The following FERMT3 variants were observed in gnomAD, a reference collection of about 807,000 sequenced individuals.
FERMT3 encodes FERM domain containing kindlin 3, also known as fermitin family homolog 3.
Under a neutral mutation model 80.8 loss-of-function variants are expected in FERMT3, and 33 were observed. The observed-to-expected ratio is 0.41, with a 90% CI of 0.31 to 0.55. The LOEUF is 0.55. FERMT3 is among the 20% of genes least tolerant of loss of function. The pLI, the probability that FERMT3 is intolerant of heterozygous loss-of-function variation, is 0.31. For synonymous variants in FERMT3, 375 were observed against 372.2 expected, an observed-to-expected ratio of 1.01 and a Z score of -0.09; for missense variants, 754 against 908.7, an observed-to-expected ratio of 0.83 and a Z score of 2.19.
chr11:64,221,241 AC>A, intron 13 of FERMT3, 101 bp downstream of exon 13: 2 of 1,203,742 alleles, frequency 1.7e-6, no homozygotes, highest in South Asian at 1.3e-5. Flanking sequence ...CTGGACAGGC[AC>A]CCCAAAGACT....
rs1028398825 is a variant in FERMT3, at chr11:64,223,147, C to T, written c.1770C>T (p.Phe590=). The T allele has an allele frequency of 2.5e-6, 4 of 1,613,818 alleles. No individual in the cohort carries two copies. The East Asian group carries it at 8.9e-5, about 36-fold the overall frequency. The change falls in exon 14 of 15, where the codon TTC becomes TTT. Residue 590 remains phenylalanine (F), a synonymous_variant. Transcript: ENST00000345728. Reference sequence around the variant, plus strand: ...GCGACGTGGTCAAGACCTGGCGTTTCAGCAACATGCGCCAGTGGAATGTCA... The same window carrying T: ...GCGACGTGGTCAAGACCTGGCGTTTTAGCAACATGCGCCAGTGGAATGTCA... ...AVGDVVKTWR[F]SNMRQWNVNW...
At chr11:64,216,640 C>T (rs1395050556) in intron 6 of FERMT3, among the ~76,000 whole-genome samples, 3 of 150,466 alleles carry the variant, frequency 2.0e-5, no homozygotes, top group African/African-American at 7.3e-5. Flanking sequence ...ACTAAAAATA[C>T]AAAAAATTAG....
intron 6 of FERMT3, among the ~76,000 whole-genome samples, chr11:64,212,085 A>G (rs1946455232): frequency 6.6e-6 from 1 of 152,196 alleles, no homozygotes; most frequent in Non-Finnish European, 1.5e-5. Flanking sequence ...TCTGGGGCTC[A>G]GGTGGGAGAG....
Position 64,223,295 on chromosome 11 carries a change from C to A in FERMT3, c.1813-18C>A. The A allele has an allele frequency of 6.2e-7, 1 of 1,613,752 alleles. No homozygotes were observed. Among genetic ancestry groups the A allele is most frequent in the South Asian group, 1.1e-5 (1 of 91,080 alleles). On this transcript the variant is annotated intron_variant, in intron 14 of 14. Coordinates refer to ENST00000345728, the MANE Select transcript of FERMT3 (RefSeq NM_031471.6). ...TCCCTTATCCCACCCACCATTTGCC[C>A]CTCTGTCTGCCCTTCAGGTGGCCAT...
At position 64,211,294 on chromosome 11, in the gene FERMT3, C is replaced by A. The variant is rs753685222; in HGVS notation, c.534C>A (p.Phe178Leu). Residue 178 changes from phenylalanine to leucine, a missense_variant, in exon 5 of 15, where the codon TTC (phenylalanine) becomes TTA (leucine). By Grantham distance (22) the Phe-to-Leu change is conservative. Transcript: ENST00000345728. This position sits in a 1 kb window ranked among gnomAD's most constrained non-coding sequence, Gnocchi z 4.7. ...CTCCAGGCGTGGCACCTGCACTGTT[C>A]CGGGGGATGCCAGCTCACTTCTCGG... ...VLAGGVAPALFRGMPAHFSDS... is the reference protein window; with the variant it reads ...VLAGGVAPALLRGMPAHFSDS... 4 of 1,613,290 alleles carry A rather than the reference C, an allele frequency of 2.5e-6. No homozygotes were observed. The highest frequency in any genetic ancestry group is 2.7e-5 in the African/African-American group (2 of 74,870).
At chr11:64,221,961 G>A in intron 13 of FERMT3, among the ~76,000 whole-genome samples, 1 of 148,056 alleles carries the variant, frequency 6.8e-6, no homozygotes, top group African/African-American at 2.5e-5. Flanking sequence ...CAAATAGGCG[G>A]GGCACGGTGG....
Position 64,219,023 on chromosome 11 carries a change from T to C in FERMT3, c.787-228T>C, listed in dbSNP as rs1186934554. On this transcript the variant is annotated intron_variant, in intron 6 of 14. Coordinates refer to ENST00000345728, the MANE Select transcript of FERMT3 (RefSeq NM_031471.6). The surrounding 1 kb of genome is among the most constrained non-coding windows in gnomAD (Gnocchi z 4.0). ...GCAGCATGCCAGCACACAGTAAACATCAGCACAACCAAGCCAAGGTTTAGA... is the reference window on the plus strand; with the variant it reads ...GCAGCATGCCAGCACACAGTAAACACCAGCACAACCAAGCCAAGGTTTAGA... Among the ~76,000 whole-genome samples, 3 of 152,182 alleles carry C rather than the reference T, an allele frequency of 2.0e-5. No individual in the cohort carries two copies. Among genetic ancestry groups the C allele is most frequent in the Non-Finnish European group, 4.4e-5 (3 of 68,026 alleles).
intron 2 of FERMT3, 70 bp downstream of exon 2, chr11:64,207,594 C>A (rs1565288222): frequency 6.5e-7 from 1 of 1,534,888 alleles, no homozygotes; most frequent in Non-Finnish European, 8.8e-7. Flanking sequence ...CTGGGCACTT[C>A]CGGGCCATCC....
intron 6 of FERMT3, among the ~76,000 whole-genome samples, chr11:64,213,058 T>G (rs1251241863): frequency 1.5e-5 from 2 of 137,594 alleles, no homozygotes; most frequent in African/African-American, 5.5e-5. Context: ...ACCTGGCTAA[T>G]TTTTTTTTTT....
intron 2 of FERMT3, among the ~76,000 whole-genome samples, chr11:64,209,499 G>T (rs1363438828): frequency 6.6e-6 from 1 of 152,168 alleles, no homozygotes; most frequent in East Asian, 1.9e-4. Flanking sequence ...AAAGGACAAG[G>T]TAAGGGGCCG....
At chr11:64,218,669 G>A (rs1456791145) in intron 6 of FERMT3, among the ~76,000 whole-genome samples, 2 of 152,178 alleles carry the variant, frequency 1.3e-5, no homozygotes, top group Non-Finnish European at 2.9e-5. Context: ...AGTTTCAGCG[G>A]GATTGTTGGT....
At position 64,211,129 on chromosome 11, in the gene FERMT3, G is replaced by A. The variant is rs777098978; in HGVS notation, c.472G>A (p.Glu158Lys). 1 of 1,556,186 alleles carries A rather than the reference G, an allele frequency of 6.4e-7. No homozygotes were observed. Among genetic ancestry groups the A allele is most frequent in the East Asian group, 2.4e-5 (1 of 41,390 alleles). The change falls in exon 4 of 15, where the codon GAG becomes AAG. Residue 158 changes from glutamate to lysine, a missense_variant. Coordinates refer to ENST00000345728, the MANE Select transcript of FERMT3 (RefSeq NM_031471.6). The surrounding 1 kb of genome is among the most constrained non-coding windows in gnomAD (Gnocchi z 4.7). ...KEKKKKEKEP[E>K]EELYDLSKVV... ...GAAGAAGAAGAAAGAGAAGGAGCCA[G>A]AGGAAGAGCTCTATGACTTGAGCAA... is the stretch of plus-strand genomic sequence containing the variant.
Position 64,223,196 on chromosome 11 carries a change from C to T in FERMT3, c.1812+7C>T. ...CAACTGGGACATCCGGCAGGTGGGC[C>T]CAGACCCAGGGTATATGGATGGGGG... On this transcript the variant is annotated splice_region_variant and intron_variant, in intron 14 of 14. Transcript: ENST00000345728. The T allele has an allele frequency of 6.2e-7, 1 of 1,613,728 alleles. No homozygotes were observed. The highest frequency in any genetic ancestry group is 8.5e-7 in the Non-Finnish European group (1 of 1,180,044).
At chr11:64,221,929 AAAAAC>A (rs995840315) in intron 13 of FERMT3, among the ~76,000 whole-genome samples, 2 of 147,136 alleles carry the variant, frequency 1.4e-5, no homozygotes, top group Non-Finnish European at 3.0e-5. Flanking sequence ...TCTGCCTCCA[AAAAAC>A]AAAACAAAAC....
chr11:64,208,156 G>A (rs1179236868), intron 2 of FERMT3, among the ~76,000 whole-genome samples: 1 of 151,744 alleles, frequency 6.6e-6, no homozygotes, highest in Non-Finnish European at 1.5e-5. Context: ...GTGGGTGGGG[G>A]GTGGGTGATG....
intron 2 of FERMT3, among the ~76,000 whole-genome samples, chr11:64,208,718 G>A (rs1388000174): frequency 6.6e-6 from 1 of 152,230 alleles, no homozygotes. Context: ...GGCCTCAGCA[G>A]GGAGGAGCAA....
intron 13 of FERMT3, among the ~76,000 whole-genome samples, chr11:64,221,606 G>T (rs1046957949): frequency 3.9e-5 from 6 of 152,060 alleles, no homozygotes; most frequent in Admixed American, 3.9e-4. Flanking sequence ...ACTCCAGCCT[G>T]GGTGACAAAG....
intron 13 of FERMT3, among the ~76,000 whole-genome samples, chr11:64,221,457 T>G (rs974205580): frequency 6.6e-6 from 1 of 151,938 alleles, no homozygotes; most frequent in Non-Finnish European, 1.5e-5. Flanking sequence ...AGAAAGTCCC[T>G]CGTCTCTACA....
rs1565290159 is a variant in FERMT3 at position 64,210,940 on chromosome 11, T to A, written c.394+96T>A. On this transcript the variant is annotated intron_variant, in intron 3 of 14. Coordinates refer to ENST00000345728, the MANE Select transcript of FERMT3 (RefSeq NM_031471.6). This position sits in a 1 kb window ranked among gnomAD's most constrained non-coding sequence, Gnocchi z 4.3. The stretch of plus-strand genomic sequence containing the variant: ...CCAGCTCTGTTGACGCTGTCCTTGC[T>A]GTCTGGGTTGCCACCCTGCCTGCAG... The A allele has an allele frequency of 6.2e-7, 1 of 1,607,446 alleles. No individual in the cohort carries two copies. The highest frequency in any genetic ancestry group is 2.2e-5 in the East Asian group (1 of 44,590).
Sources: gnomAD v4.1 joint callset for allele counts (sites outside exome capture counted in the v4.1 genomes callset) on GRCh38, gnomAD v4.1.1 for gene constraint, Gnocchi (gnomAD v3.1) non-coding constraint, MANE v1.5 for transcripts, NCBI Gene and HGNC (gene_info 2026-07-23, HGNC 2026-07-21) for gene names.